The following CPHXL2 variants were observed in gnomAD, a reference collection of about 807,000 sequenced individuals.
CPHXL2 encodes the protein cytoplasmic polyadenylated homeobox-like protein 2.
the CPHXL2 span, among the ~76,000 whole-genome samples, chr16:75,674,386 A>AAAAAAG: frequency 3.3e-5 from 5 of 151,424 alleles, no homozygotes; most frequent in East Asian, 5.8e-4. Context: ...AAAAAAAAAA[A>AAAAAAG]AAAAAAAAGA....
At chr16:75,672,148 G>A in the CPHXL2 span, among the ~76,000 whole-genome samples, 6 of 151,820 alleles carry the variant, frequency 4.0e-5, no homozygotes, top group Non-Finnish European at 7.4e-5. Flanking sequence ...TCATGGTGGC[G>A]GGTGCCTGTA....
chr16:75,671,550 G>C, the CPHXL2 span, among the ~76,000 whole-genome samples: 2 of 152,126 alleles, frequency 1.3e-5, no homozygotes, highest in East Asian at 3.9e-4. Flanking sequence ...AAGCCCCAGA[G>C]AGCATGGCTT....
At chr16:75,670,730 C>G in the CPHXL2 span, among the ~76,000 whole-genome samples, 1 of 152,162 alleles carries the variant, frequency 6.6e-6, no homozygotes, top group African/African-American at 2.4e-5. Context: ...CTCTTGAGCT[C>G]AAGTGATCCA....
chr16:75,671,282 C>A, the CPHXL2 span, among the ~76,000 whole-genome samples: 3 of 149,280 alleles, frequency 2.0e-5, no homozygotes, highest in African/African-American at 7.5e-5. Context: ...ATCGCTTGAG[C>A]CTGGGGAAGG....
the CPHXL2 span, among the ~76,000 whole-genome samples, chr16:75,674,859 G>A: frequency 1.3e-5 from 2 of 151,576 alleles, no homozygotes; most frequent in Non-Finnish European, 2.9e-5. Flanking sequence ...ACTGGCGCAC[G>A]CCACCATGCC....
At chr16:75,661,391 TA>T in the CPHXL2 span, 3 of 396,392 alleles carry the variant, frequency 7.6e-6, no homozygotes, top group East Asian at 1.1e-4. Context: ...TTAAGGCTTA[TA>T]AAAAATAAGA....
At chr16:75,667,497 C>A in the CPHXL2 span, among the ~76,000 whole-genome samples, 2 of 152,254 alleles carry the variant, frequency 1.3e-5, no homozygotes, top group Non-Finnish European at 2.9e-5. Context: ...CAAGGGAAAT[C>A]TTTGCCATTC....
chr16:75,676,476 C>T, the CPHXL2 span, among the ~76,000 whole-genome samples: 1 of 152,140 alleles, frequency 6.6e-6, no homozygotes, highest in Non-Finnish European at 1.5e-5. Flanking sequence ...AGGCATGCAC[C>T]ACACCTGGCC....
chr16:75,660,821 A>G, the CPHXL2 span: 1 of 398,562 alleles, frequency 2.5e-6, no homozygotes, highest in Non-Finnish European at 4.4e-6. Flanking sequence ...GATAGGCAGT[A>G]GAATGCTCAC....
chr16:75,664,647 G>GAAAA, the CPHXL2 span, among the ~76,000 whole-genome samples: 1 of 141,194 alleles, frequency 7.1e-6, no homozygotes, highest in African/African-American at 2.6e-5. Flanking sequence ...AAAAAAGAAA[G>GAAAA]AAAGAAAAAC....
chr16:75,664,335 T>C, the CPHXL2 span, among the ~76,000 whole-genome samples: 1 of 152,118 alleles, frequency 6.6e-6, no homozygotes, highest in Non-Finnish European at 1.5e-5. Flanking sequence ...TTTATAAAAC[T>C]GTATCTTCAG....
chr16:75,671,751 G>T, the CPHXL2 span, among the ~76,000 whole-genome samples: 1 of 152,142 alleles, frequency 6.6e-6, no homozygotes, highest in Non-Finnish European at 1.5e-5. Context: ...TGATGCAAAA[G>T]CCCCGAGCCC....
chr16:75,665,679 A>G, the CPHXL2 span, among the ~76,000 whole-genome samples: 1 of 152,218 alleles, frequency 6.6e-6, no homozygotes, highest in Non-Finnish European at 1.5e-5. Flanking sequence ...CCTGGCCAAC[A>G]TGGCGAAACC....
the CPHXL2 span, among the ~76,000 whole-genome samples, chr16:75,668,047 C>T: frequency 6.6e-6 from 1 of 152,164 alleles, no homozygotes; most frequent in South Asian, 2.1e-4. Flanking sequence ...CCGTCACCAC[C>T]ACTAACTACA....
chr16:75,661,371 C>G, the CPHXL2 span: 4 of 396,906 alleles, frequency 1.0e-5, no homozygotes, highest in East Asian at 1.4e-4. Flanking sequence ...CCCTGACTTG[C>G]CTTCAGACAT....
the CPHXL2 span, among the ~76,000 whole-genome samples, chr16:75,663,028 C>A: frequency 1.2e-4 from 19 of 152,278 alleles, no homozygotes; most frequent in East Asian, 3.7e-3. Context: ...TCTCGATCTC[C>A]TGACCTCATG....
At chr16:75,675,871 G>A in the CPHXL2 span, among the ~76,000 whole-genome samples, 11 of 152,278 alleles carry the variant, frequency 7.2e-5, no homozygotes, top group African/African-American at 2.6e-4. Flanking sequence ...CTGAGGTCAG[G>A]AGTTTGAGAC....
chr16:75,665,175 A>G, the CPHXL2 span, among the ~76,000 whole-genome samples: 2 of 152,194 alleles, frequency 1.3e-5, no homozygotes, highest in African/African-American at 2.4e-5. Flanking sequence ...GCCTAGGCAC[A>G]TTGTCATCAA....
At chr16:75,664,762 C>T in the CPHXL2 span, among the ~76,000 whole-genome samples, 1 of 151,954 alleles carries the variant, frequency 6.6e-6, no homozygotes, top group East Asian at 1.9e-4. Context: ...TGGATTAACA[C>T]ATTCATGGAT....
Sources: allele counts gnomAD v4.1 joint callset (sites outside exome capture counted in the v4.1 genomes callset), GRCh38; gene constraint gnomAD v4.1.1; transcripts MANE v1.5; gene names NCBI Gene and HGNC (gene_info 2026-07-23, HGNC 2026-07-21).